Variants in ZNF536 observed in about 807,000 individuals in gnomAD.
The protein encoded by ZNF536 is zinc finger protein 536.
A neutral mutation model predicts 84.5 loss-of-function variants in ZNF536; 13 were observed. That is an observed-to-expected ratio of 0.15 (90% CI 0.10 to 0.24). ZNF536 has a LOEUF of 0.24. Ranked by LOEUF, ZNF536 falls within the 10% of genes least tolerant of loss-of-function variation. The probability of loss-of-function intolerance (pLI) is 1.00; values close to 1 mark genes in which losing one functional copy is unlikely to be tolerated. For synonymous variants in ZNF536, 811 were observed against 742.5 expected (o/e 1.09, Z -1.50); for missense variants, 1,536 against 1,747.5 (o/e 0.88, Z 2.16).
chr19:30,257,475 T>C (rs2024972173), intron 1 of ZNF536, among the ~76,000 whole-genome samples: 1 of 152,176 alleles, frequency 6.6e-6, no homozygotes, highest in Non-Finnish European at 1.5e-5. Flanking sequence ...TCCTTGCATT[T>C]CTTTTTATTT....
At chr19:30,678,474 G>A (rs759604411) in intron 1 of ZNF536, among the ~76,000 whole-genome samples, 3 of 152,132 alleles carry the variant, frequency 2.0e-5, no homozygotes, top group African/African-American at 4.8e-5. Context: ...CCTCCCCATC[G>A]CCCACTGTCC....
At position 30,664,252 on chromosome 19, in the gene ZNF536, CTCTCTCT is replaced by C. The variant is rs2050236806; in HGVS notation, c.170-46504_170-46498del. 2.0e-5 allele frequency among the ~76,000 whole-genome samples: 3 copies of C among 147,924 alleles called. No homozygotes were observed. The Admixed American group carries it at 2.0e-4, about 10-fold the overall frequency. Reference sequence around the variant, plus strand: ...TCTCTCTCTCTCTCTCTCTCTCTCTCTCTCTCTCTCCCTCTCCCTCTCTCCCTCTCTC... The same window carrying C: ...TCTCTCTCTCTCTCTCTCTCTCTCTCCTCCCTCTCCCTCTCTCCCTCTCTC... On this transcript the variant is annotated intron_variant, in intron 1 of 1. Transcript: ENST00000592773.
intron 1 of ZNF536, among the ~76,000 whole-genome samples, chr19:30,592,969 G>C (rs1196905587): frequency 6.6e-6 from 1 of 152,210 alleles, no homozygotes; most frequent in African/African-American, 2.4e-5. Context: ...CCATTTAGAA[G>C]CCATCATCAA....
intron 2 of ZNF536, among the ~76,000 whole-genome samples, chr19:30,447,518 G>A (rs58658292): frequency 0.091 from 13,862 of 152,184 alleles, 924 homozygotes; most frequent in African/African-American, 0.18. Context: ...ATTTATTACG[G>A]ATGAGACACT....
rs1268844850 is a variant in ZNF536 at position 30,557,341 on chromosome 19, T to TA, written c.*178dup. On this transcript the variant is annotated 3_prime_UTR_variant, in exon 5 of 5. Transcript: ENST00000355537. The stretch of plus-strand genomic sequence containing the variant: ...ACACACGGTGCACCAATCTACAGTA[T>TA]ATATAGCAGAGAATCAGAGGCTAAA... 5.1e-6 allele frequency: 3 copies of TA among 593,456 alleles called. No homozygotes were observed. Among genetic ancestry groups the TA allele is most frequent in the Non-Finnish European group, 8.8e-6 (3 of 341,884 alleles). 36.8% of individuals were successfully genotyped at this position (593,456 alleles called of 1,614,324 possible).
In ZNF536 at chr19:30,292,673, GAA is replaced by G. The variant is rs374798749; in HGVS notation, c.-120+8541_-120+8542del. 4.0e-5 allele frequency among the ~76,000 whole-genome samples: 6 copies of G among 149,594 alleles called. No individual in the cohort carries two copies. The South Asian group carries it at 1.3e-3, about 32-fold the overall frequency. ...AAGCCTGAGGTCAGGTCCTAGTTGA[GAA>G]AAAAAAAATTGTAATTATACAAAGA... On this transcript the variant is annotated intron_variant, in intron 2 of 5. Coordinates refer to the ZNF536 transcript ENST00000585628.
chr19:30,225,597 T>C (rs925999603), upstream of ZNF536, among the ~76,000 whole-genome samples: 1 of 151,894 alleles, frequency 6.6e-6, no homozygotes, highest in Non-Finnish European at 1.5e-5. Context: ...TCATTATTCA[T>C]TGAACACAAT....
At chr19:30,464,587 G>T (rs1051339365) in intron 2 of ZNF536, among the ~76,000 whole-genome samples, 1 of 151,960 alleles carries the variant, frequency 6.6e-6, no homozygotes. Context: ...CCAAGTGGCA[G>T]CTCCGCCAGC....
At chr19:30,305,274 C>CA (rs1307932314) in intron 2 of ZNF536, among the ~76,000 whole-genome samples, 1 of 152,092 alleles carries the variant, frequency 6.6e-6, no homozygotes, top group Non-Finnish European at 1.5e-5. Flanking sequence ...AGAGTGGGTG[C>CA]AAGAGAGACC....
intron 2 of ZNF536, among the ~76,000 whole-genome samples, chr19:30,498,532 A>G (rs534600628): frequency 3.6e-4 from 55 of 152,180 alleles, no homozygotes; most frequent in African/African-American, 1.3e-3. Flanking sequence ...GCAGCAAACC[A>G]CCATGGCACA....
chr19:30,586,013 A>G (rs962630230), intron 1 of ZNF536, among the ~76,000 whole-genome samples: 5 of 152,120 alleles, frequency 3.3e-5, no homozygotes, highest in South Asian at 2.1e-4. Context: ...AAGATCCTCT[A>G]TATACTTCCT....
At chr19:30,407,016 G>C (rs999938978) in intron 1 of ZNF536, among the ~76,000 whole-genome samples, 2 of 152,144 alleles carry the variant, frequency 1.3e-5, no homozygotes, top group African/African-American at 2.4e-5. Context: ...AATGAGGGGG[G>C]ATTTTGCTTT....
intron 2 of ZNF536, among the ~76,000 whole-genome samples, chr19:30,449,668 AG>A (rs2052508756): frequency 6.6e-6 from 1 of 152,236 alleles, no homozygotes; most frequent in East Asian, 1.9e-4. Context: ...GCTAAGTTAC[AG>A]GATCAATGGA....
At chr19:30,340,609 C>T (rs749136076) in intron 2 of ZNF536, among the ~76,000 whole-genome samples, 3 of 152,154 alleles carry the variant, frequency 2.0e-5, no homozygotes, top group African/African-American at 7.2e-5. Flanking sequence ...TGGATCAGGG[C>T]TCAGAGCAGA....
At chr19:30,505,954 C>T (rs1044791105) in intron 2 of ZNF536, among the ~76,000 whole-genome samples, 1 of 151,972 alleles carries the variant, frequency 6.6e-6, no homozygotes, top group Non-Finnish European at 1.5e-5. Flanking sequence ...GTGTGAGCCA[C>T]CATGCTCAGC....
chr19:30,347,959 C>T (rs1194682949), intron 2 of ZNF536, among the ~76,000 whole-genome samples: 1 of 152,198 alleles, frequency 6.6e-6, no homozygotes, highest in African/African-American at 2.4e-5. Context: ...TTACTTCAAC[C>T]CGCCACGTGG....
intron 2 of ZNF536, among the ~76,000 whole-genome samples, chr19:30,509,293 G>A (rs1349363216): frequency 6.8e-6 from 1 of 147,922 alleles, no homozygotes; most frequent in Non-Finnish European, 1.5e-5. Context: ...TATACAATAT[G>A]TAACATATAT....
intron 2 of ZNF536, among the ~76,000 whole-genome samples, chr19:30,285,580 C>T (rs2045597038): frequency 6.6e-6 from 1 of 152,152 alleles, no homozygotes; most frequent in Non-Finnish European, 1.5e-5. Flanking sequence ...GCCAGTGAAT[C>T]GGAGGTATAG....
chr19:30,264,697 A>G (rs2025408926), intron 1 of ZNF536, among the ~76,000 whole-genome samples: 3 of 152,274 alleles, frequency 2.0e-5, no homozygotes, highest in East Asian at 1.9e-4. Context: ...CACGTCTCAC[A>G]GGGAAGTTTA....
Sources: allele counts gnomAD v4.1 joint callset (sites outside exome capture counted in the v4.1 genomes callset), GRCh38; gene constraint gnomAD v4.1.1; transcripts MANE v1.5; gene names NCBI Gene and HGNC (gene_info 2026-07-23, HGNC 2026-07-21).